HIPK1: variants seen among roughly 807,000 people sequenced by gnomAD.
HIPK1 encodes the protein homeodomain interacting protein kinase 1.
HIPK1 carries 28 observed loss-of-function variants against 117.1 expected under a neutral mutation model. The ratio of observed to expected loss-of-function variants is 0.24; its 90% CI spans 0.18 to 0.33. HIPK1 has a LOEUF of 0.33. HIPK1 is among the 10% of genes least tolerant of loss of function. The probability of loss-of-function intolerance (pLI) is 1.00; values close to 1 mark genes in which losing one functional copy is unlikely to be tolerated. For missense variants in HIPK1, 1,122 were observed against 1,475.1 expected (o/e 0.76, Z 3.92); for synonymous variants, 605 against 562.5 (o/e 1.08, Z -1.07).
intron 8 of HIPK1, among the ~76,000 whole-genome samples, chr1:113,961,942 CAAAAAAAAAAAAAA>C (rs957986733): frequency 3.1e-5 from 1 of 32,304 alleles, no homozygotes; most frequent in Non-Finnish European, 6.5e-5. Flanking sequence ...GACTCCATCT[CAAAAAAAAAAAAAA>C]AAAAAAAAAA....
chr1:113,963,300 A>G, intron 9 of HIPK1, 87 bp from the exon 10 acceptor site: 1 of 1,437,808 alleles, frequency 7.0e-7, no homozygotes, highest in East Asian at 2.3e-5. Context: ...CATTGTCAGT[A>G]ATAACTTGGG....
intron 8 of HIPK1, among the ~76,000 whole-genome samples, chr1:113,959,472 G>C (rs549359563): frequency 6.6e-6 from 1 of 152,148 alleles, no homozygotes; most frequent in Non-Finnish European, 1.5e-5. Flanking sequence ...TGGGATTGTC[G>C]TATGTTGAGT....
chr1:113,973,992 G>C lies in HIPK1; in HGVS notation c.*480G>C, dbSNP rs1673010495. ...AAAAAAGAAAAATTACTTTTTGTTT[G>C]TTTATAAACTCAGACTTGCCTATTT... On this transcript the variant is annotated 3_prime_UTR_variant, in exon 16 of 16. Transcript: ENST00000426820. 6.6e-6 allele frequency: 1 copy of C among 152,618 alleles called. No individual in the cohort carries two copies. The highest frequency in any genetic ancestry group is 2.4e-5 in the African/African-American group (1 of 41,468). The allele number at this position is 152,618 out of a possible 1,614,324, so 9.5% of individuals were successfully genotyped here.
intron 5 of HIPK1, 46 bp downstream of exon 5, chr1:113,955,695 G>C: frequency 9.9e-7 from 1 of 1,005,144 alleles, no homozygotes. Context: ...TTTTTAATCA[G>C]AGACACTTCT....
intron 5 of HIPK1, among the ~76,000 whole-genome samples, chr1:113,956,079 T>C (rs1359214146): frequency 6.9e-6 from 1 of 144,540 alleles, no homozygotes; most frequent in Non-Finnish European, 1.5e-5. Context: ...TTTTTTTTTT[T>C]TTTTTTTTTT....
intron 2 of HIPK1, among the ~76,000 whole-genome samples, chr1:113,950,970 T>C (rs1390632323): frequency 6.6e-6 from 1 of 152,210 alleles, no homozygotes. Context: ...GGAAAAGCGC[T>C]GCCATTAAAC....
intron 13 of HIPK1, 122 bp from the exon 14 acceptor site, chr1:113,969,834 G>A: frequency 9.7e-7 from 1 of 1,030,520 alleles, no homozygotes; most frequent in Non-Finnish European, 1.5e-6. Context: ...TTGAGCCCAG[G>A]AGGTTGAGGT....
At position 113,965,218 on chromosome 1, in the gene HIPK1, A is replaced by T. The variant is rs1672368261; in HGVS notation, c.2239-912A>T. Among the ~76,000 whole-genome samples the T allele has an allele frequency of 1.3e-5, 2 of 152,158 alleles. 1 individual carries two copies. Among genetic ancestry groups the T allele is most frequent in the South Asian group, 4.1e-4 (2 of 4,822 alleles). Reference sequence around the variant, plus strand: ...AAATTCAAGAAACAGAACCATATGTACCCAAGCATTGTAGGTAATTGTACT... The same window carrying T: ...AAATTCAAGAAACAGAACCATATGTTCCCAAGCATTGTAGGTAATTGTACT... On this transcript the variant is annotated intron_variant, in intron 10 of 15. Transcript: ENST00000426820.
chr1:113,970,389 AT>A (rs1353673061), intron 14 of HIPK1, among the ~76,000 whole-genome samples, 192 bp downstream of exon 14: 1 of 152,204 alleles, frequency 6.6e-6, no homozygotes, highest in Non-Finnish European at 1.5e-5. Context: ...TCCTGTGTTT[AT>A]TTTGCTTGGA....
chr1:113,941,574 A>G lies in HIPK1; in HGVS notation c.1076+115A>G, dbSNP rs1158977887. On this transcript the variant is annotated intron_variant, in intron 2 of 15. Transcript: ENST00000426820. The surrounding 1 kb of genome is among the most constrained non-coding windows in gnomAD (Gnocchi z 4.9). ...TTTGTTTATAGATTCTGAGATAGAA[A>G]TAGGATATGTTTTAGCTCATTCTAT... The G allele has an allele frequency of 7.4e-6, 6 of 811,034 alleles. No homozygotes were observed. In the East Asian group the frequency reaches 1.2e-4, roughly 17 times the overall value. The allele number at this position is 811,034 out of a possible 1,614,324, so 50.2% of individuals were successfully genotyped here.
At chr1:113,938,929 T>TACACACACACACACACACACACAC (rs55979020) in intron 1 of HIPK1, among the ~76,000 whole-genome samples, 4 of 115,490 alleles carry the variant, frequency 3.5e-5, no homozygotes, top group South Asian at 2.8e-4. Flanking sequence ...AAAAAAAAAA[T>TACACACACACACACACACACACAC]ACACACACAC....
rs755796872 is a variant in HIPK1 at position 113,963,513 on chromosome 1, G to A, written c.2230G>A (p.Ala744Thr). 18 of 1,613,208 alleles carry A rather than the reference G, an allele frequency of 1.1e-5. No individual in the cohort carries two copies. The highest frequency in any genetic ancestry group is 1.6e-4 in the Middle Eastern group (1 of 6,078). The change falls in exon 10 of 16, where the codon GCT becomes ACT. Residue 744 changes from alanine to threonine, a missense_variant. Transcript: ENST00000426820. ...GCCGGCGCTGGTTGAACAGACTGCC[G>A]CTGTACTGGTAATTCCCCTCACTTG... The part of the protein sequence containing the change: ...GRPALVEQTA[A>T]VLQAWPGGTQ...
At chr1:113,949,482 T>C (rs1221813906) in intron 2 of HIPK1, among the ~76,000 whole-genome samples, 1 of 152,184 alleles carries the variant, frequency 6.6e-6, no homozygotes, top group Non-Finnish European at 1.5e-5. Flanking sequence ...ACTTGTGCAG[T>C]GTTGAAAACA....
chr1:113,968,411 A>G (rs745909122), intron 12 of HIPK1, 31 bp from the exon 13 acceptor site: 23 of 1,515,060 alleles, frequency 1.5e-5, no homozygotes, highest in Non-Finnish European at 2.0e-5. Flanking sequence ...CCAAGGACTG[A>G]ATCATCTTTC....
At chr1:113,931,644 A>T (rs1422421575) in intron 1 of HIPK1, among the ~76,000 whole-genome samples, 1 of 152,232 alleles carries the variant, frequency 6.6e-6, no homozygotes, top group Admixed American at 6.5e-5. Flanking sequence ...TAAAAGAAAA[A>T]AAAAGAAGAG....
chr1:113,960,101 A>G (rs1408382454), intron 8 of HIPK1, among the ~76,000 whole-genome samples: 1 of 152,168 alleles, frequency 6.6e-6, no homozygotes, highest in Non-Finnish European at 1.5e-5. Flanking sequence ...CTGTGCAACA[A>G]TGGTCTTATT....
intron 2 of HIPK1, among the ~76,000 whole-genome samples, chr1:113,951,945 C>CTTTTTT (rs34394248): frequency 1.8e-5 from 2 of 110,680 alleles, no homozygotes; most frequent in Non-Finnish European, 3.6e-5. Context: ...TTGACCAGGG[C>CTTTTTT]TTTTTTTTTT....
Position 113,973,535 on chromosome 1 carries a change from A to G in HIPK1, c.*23A>G. On this transcript the variant is annotated 3_prime_UTR_variant, in exon 16 of 16. Transcript: ENST00000426820. The stretch of plus-strand genomic sequence containing the variant: ...TAGTTGGTGAGCATGAGGGAGGAGG[A>G]ATCATGGCTACCTTCTCCTGGCCCT... The G allele has an allele frequency of 6.4e-7, 1 of 1,552,220 alleles. No individual in the cohort carries two copies. Among genetic ancestry groups the G allele is most frequent in the Non-Finnish European group, 8.7e-7 (1 of 1,145,930 alleles).
chr1:113,965,356 T>G (rs1441770446), intron 10 of HIPK1, among the ~76,000 whole-genome samples: 1 of 152,242 alleles, frequency 6.6e-6, no homozygotes, highest in Non-Finnish European at 1.5e-5. Flanking sequence ...GCTCAGTTTA[T>G]TGCAAGTGAC....
Sources: gnomAD v4.1 joint callset for allele counts (sites outside exome capture counted in the v4.1 genomes callset) on GRCh38, gnomAD v4.1.1 for gene constraint, Gnocchi (gnomAD v3.1) non-coding constraint, MANE v1.5 for transcripts, NCBI Gene and HGNC (gene_info 2026-07-23, HGNC 2026-07-21) for gene names.